PHLDB2: variants seen among roughly 807,000 people sequenced by gnomAD.
PHLDB2 encodes the protein pleckstrin homology like domain family B member 2.
Under a neutral mutation model 123.6 loss-of-function variants are expected in PHLDB2, and 71 were observed. The ratio of observed to expected loss-of-function variants is 0.57; its 90% CI spans 0.47 to 0.70. The LOEUF (loss-of-function observed/expected upper bound fraction) is 0.70, where lower values mean the gene tolerates loss of function less well. Among genes scored for constraint, PHLDB2 ranks in the 30% least tolerant of loss-of-function variants. The pLI is 0.00. For synonymous variants in PHLDB2, 547 were observed against 541.6 expected (o/e 1.01, Z -0.14); for missense variants, 1,446 against 1,519.5 (o/e 0.95, Z 0.80).
chr3:111,809,643 G>A (rs2061742507), intron 1 of PHLDB2, among the ~76,000 whole-genome samples: 1 of 152,176 alleles, frequency 6.6e-6, no homozygotes, highest in Admixed American at 6.5e-5. Flanking sequence ...TTGTTGCTAA[G>A]GCAAAGCCTG....
chr3:111,884,576 C>G lies in PHLDB2; in HGVS notation c.499C>G (p.Leu167Val). The G allele has an allele frequency of 1.2e-6, 2 of 1,614,146 alleles. No homozygotes were observed. Reference protein sequence around the residue: ...SHDNVYSLGGLEGRKASGSLL... With the variant: ...SHDNVYSLGGVEGRKASGSLL... Reference sequence around the variant, plus strand: ...TGACAATGTCTACTCTCTTGGAGGGCTGGAAGGTCGGAAGGCATCTGGCTC... The same window carrying G: ...TGACAATGTCTACTCTCTTGGAGGGGTGGAAGGTCGGAAGGCATCTGGCTC... Residue 167 changes from leucine to valine, a missense_variant, in exon 2 of 18, where the codon CTG (leucine) becomes GTG (valine). Physicochemically the swap from Leu to Val is conservative, Grantham distance 32 (BLOSUM62 1). Around this residue, in one of 3 missense-constraint regions of PHLDB2, gnomAD observed 832 missense variants for 831.9 expected, o/e 1.00. Coordinates refer to ENST00000431670, the MANE Select transcript of PHLDB2 (RefSeq NM_001134438.2).
chr3:111,953,773 T>C (rs1452280765), intron 11 of PHLDB2, 157 bp from the exon 12 acceptor site: 2 of 536,458 alleles, frequency 3.7e-6, no homozygotes, highest in East Asian at 6.3e-5. Context: ...GGCCAGTAAC[T>C]GGCCTTTACC....
chr3:111,947,050 G>GTT lies in PHLDB2; in HGVS notation c.2487+1695_2487+1696dup, dbSNP rs574029162. ...TGTCCGGAATCATGCCATTATTCCA[G>GTT]TTTGAATAATGAAGTAGATGGTAAG... On this transcript the variant is annotated intron_variant, in intron 9 of 17. Transcript: ENST00000431670. Among the ~76,000 whole-genome samples, 193 of 152,310 alleles carry GTT rather than the reference G, an allele frequency of 1.3e-3. 1 individual carries two copies. Among genetic ancestry groups the GTT allele is most frequent in the Admixed American group, 5.8e-3 (88 of 15,302 alleles).
At chr3:111,841,564 A>T (rs76626684) in intron 1 of PHLDB2, among the ~76,000 whole-genome samples, 24,854 of 151,934 alleles carry the variant, frequency 0.16, 2,155 homozygotes, top group Admixed American at 0.19. Context: ...TTTTCTTCTC[A>T]CTCATAACCT....
intron 12 of PHLDB2, chr3:111,961,843 G>A (rs754480982): frequency 1.6e-5 from 7 of 431,606 alleles, no homozygotes; most frequent in Non-Finnish European, 2.0e-5. Flanking sequence ...GTGTGTTGCT[G>A]GTTGTGCTGA....
In PHLDB2 at chr3:111,919,076, C is replaced by T. The variant is rs1340744221; in HGVS notation, c.1724C>T (p.Pro575Leu). The change falls in exon 4 of 18, where the codon CCA becomes CTA. Residue 575 changes from proline (P) to leucine (L), a missense_variant. Physicochemically the swap from Pro to Leu is moderately conservative, Grantham distance 98. This residue lies in a region of PHLDB2 where 832 missense variants were observed against 831.9 expected (regional missense o/e 1.00). Coordinates refer to ENST00000431670, the MANE Select transcript of PHLDB2 (RefSeq NM_001134438.2). ...TTCTGTGTTGATTAATCGCAGACCC[C>T]AGAGGGTATAAGTGAAGAACAGAGA... ...SSYLSILPKT[P>L]EGISEEQRSQ... The T allele has an allele frequency of 1.2e-6, 2 of 1,613,846 alleles. No homozygotes were observed. The highest frequency in any genetic ancestry group is 1.7e-5 in the Admixed American group (1 of 60,024).
chr3:111,766,524 GT>G (rs2108030905), intron 1 of PHLDB2, among the ~76,000 whole-genome samples: 1 of 151,942 alleles, frequency 6.6e-6, no homozygotes, highest in East Asian at 1.9e-4. Flanking sequence ...AGTTTTGCAT[GT>G]AATTTCATAG....
intron 1 of PHLDB2, among the ~76,000 whole-genome samples, chr3:111,841,681 G>T (rs1432635557): frequency 6.6e-6 from 1 of 152,134 alleles, no homozygotes; most frequent in South Asian, 2.1e-4. Context: ...GTGTCAGCTG[G>T]GCTTCTAAGA....
chr3:111,903,899 A>G (rs1198087177), intron 2 of PHLDB2, among the ~76,000 whole-genome samples: 2 of 152,196 alleles, frequency 1.3e-5, no homozygotes, highest in Non-Finnish European at 2.9e-5. Flanking sequence ...AAAAAAAATA[A>G]TAACTGTGTT....
intron 2 of PHLDB2, among the ~76,000 whole-genome samples, chr3:111,899,675 AAC>A (rs2067076117): frequency 6.6e-6 from 1 of 152,226 alleles, no homozygotes; most frequent in African/African-American, 2.4e-5. Context: ...AGCTCCTAAA[AAC>A]AGAGTCAACC....
chr3:111,763,495 A>G (rs192746960), intron 1 of PHLDB2, among the ~76,000 whole-genome samples: 4 of 152,342 alleles, frequency 2.6e-5, no homozygotes, highest in East Asian at 1.9e-4. Flanking sequence ...TTAATAAATT[A>G]TCAAGTGCTT....
intron 1 of PHLDB2, among the ~76,000 whole-genome samples, chr3:111,877,996 G>T (rs1398474928): frequency 1.3e-5 from 2 of 152,112 alleles, no homozygotes; most frequent in African/African-American, 2.4e-5. Context: ...GATGCCTCCA[G>T]CTTTGTTCTT....
At chr3:111,885,476 T>C in intron 2 of PHLDB2, 64 bp downstream of exon 2, 1 of 1,593,656 alleles carries the variant, frequency 6.3e-7, no homozygotes, top group South Asian at 1.1e-5. Context: ...CAGGGCAGCC[T>C]TGGAGATGGA....
At chr3:111,877,441 A>G (rs150705412) in intron 1 of PHLDB2, among the ~76,000 whole-genome samples, 2,629 of 142,722 alleles carry the variant, frequency 0.018, 28 homozygotes, top group Non-Finnish European at 0.029. Flanking sequence ...AAATTTGTTT[A>G]AGTTCTTTGT....
chr3:111,790,460 C>T (rs893522979), intron 1 of PHLDB2, among the ~76,000 whole-genome samples: 1 of 152,200 alleles, frequency 6.6e-6, no homozygotes, highest in Non-Finnish European at 1.5e-5. Flanking sequence ...AACTAGTAGT[C>T]TCTTCATACT....
intron 1 of PHLDB2, among the ~76,000 whole-genome samples, chr3:111,761,043 C>T (rs185290805): frequency 1.3e-3 from 197 of 151,790 alleles, no homozygotes; most frequent in African/African-American, 4.2e-3. Context: ...AAATTATCTG[C>T]GCGTGGTGGT....
chr3:111,884,761 G>A lies in PHLDB2; in HGVS notation c.684G>A (p.Glu228=). The A allele has an allele frequency of 6.2e-7, 1 of 1,613,930 alleles. No individual in the cohort carries two copies. Among genetic ancestry groups the A allele is most frequent in the East Asian group, 2.2e-5 (1 of 44,872 alleles). The part of the protein sequence containing the change: ...ALQPKLTRHK[E]LASENINLRT... ...AACCCAAGTTAACTAGACACAAGGA[G>A]CTTGCATCTGAAAACATCAATTTGA... The change falls in exon 2 of 18, where the codon GAG becomes GAA. Residue 228 remains glutamate (E), a synonymous_variant. Coordinates refer to ENST00000431670, the MANE Select transcript of PHLDB2 (RefSeq NM_001134438.2).
At chr3:111,748,038 T>C (rs968961142) in intron 1 of PHLDB2, among the ~76,000 whole-genome samples, 3 of 152,164 alleles carry the variant, frequency 2.0e-5, no homozygotes, top group African/African-American at 7.2e-5. Context: ...ACAATCAGAC[T>C]AACTCAAGCT....
At chr3:111,835,361 G>A (rs1400592130) in intron 1 of PHLDB2, among the ~76,000 whole-genome samples, 1 of 152,184 alleles carries the variant, frequency 6.6e-6, no homozygotes, top group Non-Finnish European at 1.5e-5. Flanking sequence ...TATACTACAT[G>A]CAAAGTACTT....
Sources: allele counts gnomAD v4.1 joint callset (sites outside exome capture counted in the v4.1 genomes callset), GRCh38; gene constraint gnomAD v4.1.1; regional missense constraint gnomAD v4.1.1; transcripts MANE v1.5; gene names NCBI Gene and HGNC (gene_info 2026-07-23, HGNC 2026-07-21).